The following TMEM232 variants were observed in gnomAD, a reference collection of about 807,000 sequenced individuals.
TMEM232 encodes transmembrane protein 232.
Under a neutral mutation model 78.8 loss-of-function variants are expected in TMEM232, and 80 were observed. The observed-to-expected ratio is 1.01, with a 90% CI of 0.85 to 1.22. The LOEUF is 1.22. Ranked by LOEUF, TMEM232 falls within the 50% of genes most tolerant of loss-of-function variation. The pLI is 0.00. For synonymous variants in TMEM232, 297 were observed against 254.3 expected (o/e 1.17, Z -1.60); for missense variants, 881 against 742.2 (o/e 1.19, Z -2.17).
At chr5:110,508,896 AT>A (rs1460572572) in intron 12 of TMEM232, among the ~76,000 whole-genome samples, 1 of 142,898 alleles carries the variant, frequency 7.0e-6, no homozygotes, top group Admixed American at 7.2e-5. Context: ...GTATATATGT[AT>A]ATATATAAAA....
chr5:110,527,825 G>T (rs1770817150), intron 12 of TMEM232, among the ~76,000 whole-genome samples: 1 of 151,766 alleles, frequency 6.6e-6, no homozygotes, highest in African/African-American at 2.4e-5. Flanking sequence ...AAAATTACTA[G>T]AAAAAATATA....
At chr5:110,640,506 G>T (rs1426938781) in intron 4 of TMEM232, among the ~76,000 whole-genome samples, 2 of 151,628 alleles carry the variant, frequency 1.3e-5, no homozygotes, top group Non-Finnish European at 2.9e-5. Context: ...TAAAATAAGT[G>T]GAAAACAAAT....
intron 1 of TMEM232, among the ~76,000 whole-genome samples, chr5:110,673,990 G>GAAAA (rs35347916): frequency 7.8e-6 from 1 of 127,754 alleles, no homozygotes; most frequent in African/African-American, 3.0e-5. Flanking sequence ...GAGGTAACAT[G>GAAAA]AAAAAAAAAA....
chr5:110,504,264 C>A (rs909705957), intron 12 of TMEM232, among the ~76,000 whole-genome samples: 7 of 152,148 alleles, frequency 4.6e-5, no homozygotes, highest in Admixed American at 3.9e-4. Flanking sequence ...TCAGGAAAAA[C>A]ATAAATATAG....
intron 2 of TMEM232, among the ~76,000 whole-genome samples, chr5:110,650,133 T>C (rs1305231747): frequency 1.3e-5 from 2 of 152,086 alleles, no homozygotes; most frequent in Non-Finnish European, 2.9e-5. Flanking sequence ...TATCTCAGTA[T>C]AATATTTATC....
chr5:110,623,020 A>AAATAAATAAATAAATAAATG (rs1783970833), intron 7 of TMEM232, among the ~76,000 whole-genome samples: 1 of 151,682 alleles, frequency 6.6e-6, no homozygotes, highest in African/African-American at 2.4e-5. Context: ...ATAAATAAAT[A>AAATAAATAAATAAATAAATG]AAAAGAAAAT....
chr5:110,668,672 TA>T lies in TMEM232; in HGVS notation c.-12-1309del, dbSNP rs200300906. Among the ~76,000 whole-genome samples, 967 of 152,218 alleles carry T rather than the reference TA, an allele frequency of 6.4e-3. 18 individuals are homozygous for T. Among genetic ancestry groups the T allele is most frequent in the African/African-American group, 0.022 (895 of 41,508 alleles). ...CTCTCCACCCCAAATCAACAGAATA[TA>T]CATTCTTCTCAGCACCACATCGCAC... On this transcript the variant is annotated intron_variant, in intron 1 of 13. Transcript: ENST00000455884.
Position 110,642,370 on chromosome 5 carries a change from G to C in TMEM232, c.127C>G (p.Pro43Ala). ...AATTCTTTTGTGATTGAAAATGTTG[G>C]CCTAAATAAAACATTGAAAAATTAA... is the stretch of plus-strand genomic sequence containing the variant. Reference protein sequence around the residue: ...LSGERGHKSRPTFSITKEFIL... With the variant: ...LSGERGHKSRATFSITKEFIL... The change falls in exon 3 of 14, where the codon CCA (proline) becomes GCA (alanine). Residue 43 changes from proline to alanine, a missense_variant and splice_region_variant. Coordinates refer to ENST00000455884, the MANE Select transcript of TMEM232 (RefSeq NM_001039763.4). The C allele has an allele frequency of 6.7e-7, 1 of 1,497,478 alleles. No individual in the cohort carries two copies. Among genetic ancestry groups the C allele is most frequent in the Non-Finnish European group, 8.9e-7 (1 of 1,126,128 alleles). The allele number at this position is 1,497,478 out of a possible 1,614,324, so 92.8% of individuals were successfully genotyped here. A position where few individuals can be genotyped will look rare whatever the true frequency, so the allele number is the denominator to read the frequency against.
chr5:110,715,285 A>G (rs1490493798), intron 1 of TMEM232, among the ~76,000 whole-genome samples: 1 of 151,376 alleles, frequency 6.6e-6, no homozygotes, highest in African/African-American at 2.5e-5. Flanking sequence ...AGAAATTATG[A>G]AAAAAAACCA....
At chr5:110,518,989 T>G (rs1581041957) in intron 12 of TMEM232, among the ~76,000 whole-genome samples, 1 of 142,160 alleles carries the variant, frequency 7.0e-6, no homozygotes, top group Non-Finnish European at 1.5e-5. Flanking sequence ...CTAGCTAAGG[T>G]GAATAAAAAG....
chr5:110,709,744 A>T (rs1292765545), intron 1 of TMEM232, among the ~76,000 whole-genome samples: 1 of 152,120 alleles, frequency 6.6e-6, no homozygotes, highest in African/African-American at 2.4e-5. Flanking sequence ...CAGTACTAAG[A>T]GGAGAATTTA....
chr5:110,680,118 G>T lies in TMEM232; in HGVS notation c.-12-12754C>A, dbSNP rs565681810. On this transcript the variant is annotated intron_variant, in intron 1 of 13. Transcript: ENST00000455884. ...AGGTGAGTTTAATATGCAACCCAAG[G>T]CCTGGTGCAGTGGCTCACGTCTGTA... Among the ~76,000 whole-genome samples, 49 of 152,146 alleles carry T rather than the reference G, an allele frequency of 3.2e-4. 1 individual carries two copies. The South Asian group carries it at 1.0e-2, about 31-fold the overall frequency.
At chr5:110,537,293 T>A (rs12515093) in intron 11 of TMEM232, among the ~76,000 whole-genome samples, 14,174 of 123,970 alleles carry the variant, frequency 0.11, 1,002 homozygotes, top group East Asian at 0.3. Context: ...ATATATATAT[T>A]TTTTTTTTTC....
chr5:110,688,090 G>A (rs567148085), intron 1 of TMEM232, among the ~76,000 whole-genome samples: 15 of 67,680 alleles, frequency 2.2e-4, no homozygotes, highest in African/African-American at 7.2e-4. Flanking sequence ...CTACTCTGAG[G>A]GGATGTGTGT....
rs186816569 is a variant in TMEM232, at chr5:110,635,011, A to C, written c.501+3187T>G. ...TCAAAAGTGAAAAAGTAGATATTAC[A>C]ATTAATACCACAGAAGTACAAAAGA... On this transcript the variant is annotated intron_variant, in intron 5 of 13. Coordinates refer to ENST00000455884, the MANE Select transcript of TMEM232 (RefSeq NM_001039763.4). Among the ~76,000 whole-genome samples, 3 of 152,180 alleles carry C rather than the reference A, an allele frequency of 2.0e-5. No homozygotes were observed. The East Asian group carries it at 5.8e-4, about 29-fold the overall frequency.
intron 11 of TMEM232, among the ~76,000 whole-genome samples, chr5:110,538,678 T>G (rs1371374734): frequency 1.3e-5 from 2 of 152,162 alleles, no homozygotes; most frequent in Non-Finnish European, 2.9e-5. Context: ...ACTCTAGCAG[T>G]GCAAAAGCAG....
chr5:110,430,210 T>C (rs1184889427), intron 12 of TMEM232: 1 of 151,776 alleles, frequency 6.6e-6, no homozygotes, highest in Non-Finnish European at 1.5e-5. Flanking sequence ...TACTTTTGAT[T>C]AAATTAACTT....
intron 1 of TMEM232, among the ~76,000 whole-genome samples, chr5:110,720,030 C>T (rs1797431103): frequency 6.6e-6 from 1 of 152,118 alleles, no homozygotes; most frequent in Admixed American, 6.6e-5. Context: ...CAGCTTGTTG[C>T]TCTTAATTTA....
At chr5:110,506,107 AT>A (rs1305373209) in intron 12 of TMEM232, among the ~76,000 whole-genome samples, 1 of 152,208 alleles carries the variant, frequency 6.6e-6, no homozygotes, top group Non-Finnish European at 1.5e-5. Context: ...CAAGACTGTG[AT>A]AACCACAGTA....
Sources: allele counts gnomAD v4.1 joint callset (sites outside exome capture counted in the v4.1 genomes callset), GRCh38; gene constraint gnomAD v4.1.1; transcripts MANE v1.5; gene names NCBI Gene and HGNC (gene_info 2026-07-23, HGNC 2026-07-21).